The following KIAA1614 variants were observed in gnomAD, a reference collection of about 807,000 sequenced individuals.
KIAA1614 encodes the protein KIAA1614, also known as uncharacterized protein KIAA1614.
KIAA1614 carries 76 observed loss-of-function variants against 88.7 expected under a neutral mutation model. That is an observed-to-expected ratio of 0.86 (90% CI 0.71 to 1.04). The LOEUF is 1.04. Ranked by LOEUF, KIAA1614 falls within the 50% of genes least tolerant of loss-of-function variation. KIAA1614 has a pLI of 0.00. For synonymous variants in KIAA1614, 714 were observed against 675.5 expected (o/e 1.06, Z -0.88); for missense variants, 1,553 against 1,582.5 (o/e 0.98, Z 0.32).
intron 3 of KIAA1614, among the ~76,000 whole-genome samples, chr1:180,927,203 G>A (rs1161401785): frequency 6.6e-6 from 1 of 152,164 alleles, no homozygotes; most frequent in Non-Finnish European, 1.5e-5. Flanking sequence ...ACCATGGTGA[G>A]GGGCTGCAGG....
At chr1:180,925,265 C>T in intron 3 of KIAA1614, among the ~76,000 whole-genome samples, 1 of 152,240 alleles carries the variant, frequency 6.6e-6, no homozygotes, top group East Asian at 1.9e-4. Flanking sequence ...ACCTTTTCCA[C>T]TTCCCCTCAT....
chr1:180,919,531 C>A (rs1400106270), intron 3 of KIAA1614, among the ~76,000 whole-genome samples: 1 of 152,102 alleles, frequency 6.6e-6, no homozygotes, highest in African/African-American at 2.4e-5. Context: ...GGGGCAGATG[C>A]CCTCTTCTGC....
chr1:180,938,773 G>A, intron 6 of KIAA1614, 62 bp downstream of exon 6: 3 of 1,519,964 alleles, frequency 2.0e-6, no homozygotes, highest in Non-Finnish European at 2.7e-6. Flanking sequence ...TCTGGGAGGG[G>A]ACAGAGACCC....
In KIAA1614 at chr1:180,946,048, A is replaced by G. The variant is rs1235494420; in HGVS notation, c.*460A>G. 1 of 154,126 alleles carries G rather than the reference A, an allele frequency of 6.5e-6. No individual in the cohort carries two copies. Among genetic ancestry groups the G allele is most frequent in the African/African-American group, 2.4e-5 (1 of 41,508 alleles). 9.5% of individuals were successfully genotyped at this position (154,126 alleles called of 1,614,324 possible). On this transcript the variant is annotated 3_prime_UTR_variant, in exon 9 of 9. Coordinates refer to ENST00000367588, the MANE Select transcript of KIAA1614 (RefSeq NM_020950.2). ...AACCCGGGAGGTAGAGGTTGCAGTG[A>G]GCCGAGATTGCGCCATTGCACTCCA... is the stretch of plus-strand genomic sequence containing the variant.
At chr1:180,943,027 G>GTTTTTTTTTTTTTTTTTTTTTTTTTTTTT (rs1261396134) in intron 7 of KIAA1614, among the ~76,000 whole-genome samples, 9 of 22,330 alleles carry the variant, frequency 4.0e-4, no homozygotes, top group Middle Eastern at 0.025. Context: ...TAGTTTTTTG[G>GTTTTTTTTTTTTTTTTTTTTTTTTTTTTT]GTTTTTTTTT....
Position 180,938,536 on chromosome 1 carries a change from G to C in KIAA1614, c.2762-19G>C. On this transcript the variant is annotated intron_variant, in intron 5 of 8. Transcript: ENST00000367588. ...GGATGAGCCGGTCTGACTCAGGTGG[G>C]ATGCTGTGCTTGTTTCAGGAGGACC... The C allele has an allele frequency of 6.2e-7, 1 of 1,612,760 alleles. No homozygotes were observed.
chr1:180,928,653 C>T, intron 4 of KIAA1614, 80 bp downstream of exon 4: 1 of 1,407,214 alleles, frequency 7.1e-7, no homozygotes, highest in Non-Finnish European at 9.5e-7. Context: ...GGGATCTAGC[C>T]AAATGCTGCT....
chr1:180,933,573 G>C (rs1654248656), intron 4 of KIAA1614, among the ~76,000 whole-genome samples: 1 of 152,212 alleles, frequency 6.6e-6, no homozygotes, highest in South Asian at 2.1e-4. Flanking sequence ...GTCCTTTCTT[G>C]GGTGCCTTCT....
At chr1:180,940,752 C>T (rs778026992) in intron 6 of KIAA1614, among the ~76,000 whole-genome samples, 5 of 150,554 alleles carry the variant, frequency 3.3e-5, no homozygotes, top group African/African-American at 4.9e-5. Context: ...CTCACTATGT[C>T]GCCCAGGTTG....
Position 180,950,702 on chromosome 1 carries a change from C to A in KIAA1614, c.*5114C>A. 1 of 180,272 alleles carries A rather than the reference C, an allele frequency of 5.5e-6. No homozygotes were observed. Among genetic ancestry groups the A allele is most frequent in the Non-Finnish European group, 1.1e-5 (1 of 93,446 alleles). The allele number at this position is 180,272 out of a possible 1,614,324, so 11.2% of individuals were successfully genotyped here. A position where few individuals can be genotyped will look rare whatever the true frequency, so the allele number is the denominator to read the frequency against. ...TCTGTGGTGGGCTGCCTTTGGGAGA[C>A]GCAAGGAGCCTGTTTGCATATTTTG... On this transcript the variant is annotated 3_prime_UTR_variant, in exon 9 of 9. Coordinates refer to ENST00000367588, the MANE Select transcript of KIAA1614 (RefSeq NM_020950.2).
At chr1:180,920,037 G>A (rs576568775) in intron 3 of KIAA1614, among the ~76,000 whole-genome samples, 6 of 152,214 alleles carry the variant, frequency 3.9e-5, no homozygotes, top group East Asian at 1.9e-4. Flanking sequence ...GGGGAAACAC[G>A]CATTGTTTGG....
intron 4 of KIAA1614, among the ~76,000 whole-genome samples, chr1:180,933,034 CT>C (rs1311553969): frequency 6.6e-6 from 1 of 152,220 alleles, no homozygotes; most frequent in East Asian, 1.9e-4. Flanking sequence ...GCCACTGCGC[CT>C]GGCCAGCAGG....
chr1:180,950,332 C>T lies in KIAA1614; in HGVS notation c.*4744C>T, dbSNP rs1201191495. On this transcript the variant is annotated 3_prime_UTR_variant, in exon 9 of 9. Transcript: ENST00000367588. ...GTCATTGTGAAATTCTCCTGTTTTC[C>T]TCTGCAGGGATCTACGTGCAGGAGA... The T allele has an allele frequency of 8.4e-7, 1 of 1,189,006 alleles. No individual in the cohort carries two copies. Among genetic ancestry groups the T allele is most frequent in the Admixed American group, 3.5e-5 (1 of 28,312 alleles). The allele number at this position is 1,189,006 out of a possible 1,614,324, so 73.7% of individuals were successfully genotyped here.
At chr1:180,938,441 T>G in intron 5 of KIAA1614, 114 bp from the exon 6 acceptor site, 1 of 1,200,238 alleles carries the variant, frequency 8.3e-7, no homozygotes, top group South Asian at 1.5e-5. Context: ...CTCCTTGAGC[T>G]CCACCTCTCC....
chr1:180,927,794 C>G (rs10914136), intron 3 of KIAA1614, among the ~76,000 whole-genome samples: 71,304 of 152,018 alleles, frequency 0.47, 16,933 homozygotes, highest in African/African-American at 0.53. Flanking sequence ...TTGGGTCCAG[C>G]TTAATTTCTC....
intron 3 of KIAA1614, 75 bp downstream of exon 3, chr1:180,917,989 G>A: frequency 7.9e-7 from 1 of 1,272,618 alleles, no homozygotes; most frequent in Non-Finnish European, 1.1e-6. Context: ...CATCAGGACA[G>A]TAAGAGACCT....
At chr1:180,913,326 G>C in intron 1 of KIAA1614, 33 bp downstream of exon 1, 1 of 1,231,962 alleles carries the variant, frequency 8.1e-7, no homozygotes, top group Non-Finnish European at 1.0e-6. Flanking sequence ...CGGGCCGGCC[G>C]GGCGGGGGTG....
In KIAA1614 at chr1:180,950,348, G is replaced by C; in HGVS notation, c.*4760G>C. ...CCTGTTTTCCTCTGCAGGGATCTAC[G>C]TGCAGGAGATGGCTGACATGAGCAT... On this transcript the variant is annotated 3_prime_UTR_variant, in exon 9 of 9. Coordinates refer to ENST00000367588, the MANE Select transcript of KIAA1614 (RefSeq NM_020950.2). The C allele has an allele frequency of 8.2e-7, 1 of 1,214,880 alleles. No homozygotes were observed. Among genetic ancestry groups the C allele is most frequent in the Non-Finnish European group, 1.1e-6 (1 of 951,812 alleles). The allele number at this position is 1,214,880 out of a possible 1,614,324, so 75.3% of individuals were successfully genotyped here.
At chr1:180,943,027 G>GT (rs1261396134) in intron 7 of KIAA1614, among the ~76,000 whole-genome samples, 250 of 22,338 alleles carry the variant, frequency 0.011, 1 homozygote, top group South Asian at 0.028. Flanking sequence ...TAGTTTTTTG[G>GT]GTTTTTTTTT....
Sources: gnomAD v4.1 joint callset for allele counts (sites outside exome capture counted in the v4.1 genomes callset) on GRCh38, gnomAD v4.1.1 for gene constraint, MANE v1.5 for transcripts, NCBI Gene and HGNC (gene_info 2026-07-23, HGNC 2026-07-21) for gene names.